The following MSRA variants were observed in gnomAD, a reference collection of about 807,000 sequenced individuals.
The protein encoded by MSRA is methionine sulfoxide reductase A, also known as mitochondrial peptide methionine sulfoxide reductase.
Under a neutral mutation model 31.3 loss-of-function variants are expected in MSRA, and 54 were observed. That is an observed-to-expected ratio of 1.73 (90% CI 1.39 to 2.17). The LOEUF is 2.17. Among genes scored for constraint, MSRA ranks in the 30% most tolerant of loss-of-function variants. The pLI is 0.00. For missense variants in MSRA, 507 were observed against 300.9 expected (o/e 1.69, Z -5.07); for synonymous variants, 169 against 116.5 (o/e 1.45, Z -2.90).
intron 1 of MSRA, among the ~76,000 whole-genome samples, chr8:10,055,197 C>G (rs1802277291): frequency 6.6e-6 from 1 of 152,146 alleles, no homozygotes; most frequent in African/African-American, 2.4e-5. Context: ...CCCCTCGTGC[C>G]CTAGGTCGGC....
chr8:10,174,952 C>T (rs1805913367), intron 1 of MSRA, among the ~76,000 whole-genome samples: 1 of 152,218 alleles, frequency 6.6e-6, no homozygotes, highest in African/African-American at 2.4e-5. Context: ...CCGATCTTGC[C>T]CCTTTCCCTG....
chr8:10,074,822 C>T (rs932453762), intron 1 of MSRA, among the ~76,000 whole-genome samples: 1 of 152,068 alleles, frequency 6.6e-6, no homozygotes, highest in Non-Finnish European at 1.5e-5. Context: ...CCATGCCTGG[C>T]TAATTTTTAG....
At chr8:10,383,560 G>C (rs189990912) in intron 5 of MSRA, among the ~76,000 whole-genome samples, 1 of 151,442 alleles carries the variant, frequency 6.6e-6, no homozygotes, top group Non-Finnish European at 1.5e-5. Flanking sequence ...TTTTTTCCAG[G>C]TGGTTTCAGG....
intron 5 of MSRA, among the ~76,000 whole-genome samples, chr8:10,368,342 A>G (rs142247643): frequency 6.0e-4 from 92 of 152,388 alleles, no homozygotes; most frequent in Admixed American, 2.4e-3. Flanking sequence ...ATGAAACAAA[A>G]CACGAATAAG....
chr8:10,395,965 A>G (rs1408909937), intron 5 of MSRA, among the ~76,000 whole-genome samples: 1 of 152,236 alleles, frequency 6.6e-6, no homozygotes, highest in African/African-American at 2.4e-5. Flanking sequence ...AGTGCAGTCA[A>G]GCTCAAGTGG....
chr8:10,152,647 C>G (rs117316776), intron 1 of MSRA, among the ~76,000 whole-genome samples: 4 of 151,788 alleles, frequency 2.6e-5, no homozygotes, highest in Admixed American at 6.6e-5. Flanking sequence ...TTTTTTTCCC[C>G]CAAAAAATCA....
intron 3 of MSRA, among the ~76,000 whole-genome samples, chr8:10,283,034 C>T (rs1310282858): frequency 6.6e-6 from 1 of 151,954 alleles, no homozygotes. Context: ...TTCTTAACTT[C>T]AAGAGCTTCC....
intron 5 of MSRA, chr8:10,326,402 G>C (rs1378997505): frequency 6.6e-6 from 1 of 152,192 alleles, no homozygotes; most frequent in Non-Finnish European, 1.5e-5. Context: ...CTGGGTTGTG[G>C]ATACCAGCCT....
At chr8:10,395,956 G>A (rs1350005722) in intron 5 of MSRA, among the ~76,000 whole-genome samples, 1 of 152,188 alleles carries the variant, frequency 6.6e-6, no homozygotes, top group Admixed American at 6.5e-5. Context: ...GGCCCTACAA[G>A]TGCAGTCAAG....
At chr8:10,100,668 G>A (rs1046560589) in intron 1 of MSRA, among the ~76,000 whole-genome samples, 9 of 152,144 alleles carry the variant, frequency 5.9e-5, no homozygotes, top group African/African-American at 1.4e-4. Context: ...ATCAGATTCT[G>A]AATAATTGTA....
chr8:10,356,889 T>TA (rs869099944), intron 5 of MSRA, among the ~76,000 whole-genome samples: 2,197 of 105,062 alleles, frequency 0.021, 22 homozygotes, highest in Middle Eastern at 0.041. Context: ...CCTTGCCCAT[T>TA]AAAAAAAAAA....
intron 4 of MSRA, among the ~76,000 whole-genome samples, chr8:10,316,353 TGAGTGTCAGTTTCACCTTTGAGG>T (rs1343288871): frequency 3.3e-5 from 5 of 152,172 alleles, no homozygotes; most frequent in Admixed American, 6.5e-5. Context: ...AGCCTCTCTC[TGAGTGTCAGTTTCACCTTTGAGG>T]GAGTGTCAGT....
chr8:10,386,098 G>A (rs925390882), intron 5 of MSRA, among the ~76,000 whole-genome samples: 1 of 152,190 alleles, frequency 6.6e-6, no homozygotes, highest in East Asian at 1.9e-4. Context: ...CCATTGAAGT[G>A]CCTGTGTGCC....
intron 5 of MSRA, among the ~76,000 whole-genome samples, chr8:10,325,338 T>TG (rs1387175010): frequency 6.6e-6 from 1 of 151,978 alleles, no homozygotes; most frequent in Non-Finnish European, 1.5e-5. Flanking sequence ...GTATAATACG[T>TG]ATATCTATAT....
At chr8:10,206,551 G>C (rs1441871321) in intron 1 of MSRA, among the ~76,000 whole-genome samples, 1 of 152,218 alleles carries the variant, frequency 6.6e-6, no homozygotes. Flanking sequence ...CTCGGTCTAA[G>C]AGATTTACTT....
At chr8:10,279,690 G>A (rs1799515508) in intron 3 of MSRA, among the ~76,000 whole-genome samples, 1 of 152,200 alleles carries the variant, frequency 6.6e-6, no homozygotes, top group African/African-American at 2.4e-5. Flanking sequence ...CTAACACCTA[G>A]AAGGCACAAG....
chr8:10,243,402 G>A (rs17750324), intron 2 of MSRA, among the ~76,000 whole-genome samples: 53,621 of 151,920 alleles, frequency 0.35, 10,557 homozygotes, highest in Non-Finnish European at 0.46. Context: ...CCCAAGGAAT[G>A]CAACAAAGGA....
At chr8:10,173,431 G>C (rs544249261) in intron 1 of MSRA, among the ~76,000 whole-genome samples, 3 of 152,362 alleles carry the variant, frequency 2.0e-5, no homozygotes, top group African/African-American at 7.2e-5. Context: ...CCAAAGAGAG[G>C]GCTCGTGTTT....
At chr8:10,123,816 A>G (rs768336614) in intron 1 of MSRA, among the ~76,000 whole-genome samples, 8 of 150,274 alleles carry the variant, frequency 5.3e-5, no homozygotes, top group Non-Finnish European at 7.4e-5. Flanking sequence ...TAGGTGTGCA[A>G]CCTTATTTCT....
Sources: allele counts gnomAD v4.1 joint callset (sites outside exome capture counted in the v4.1 genomes callset), GRCh38; gene constraint gnomAD v4.1.1; transcripts MANE v1.5; gene names NCBI Gene and HGNC (gene_info 2026-07-23, HGNC 2026-07-21).